Variants in SPAG16 observed in about 807,000 individuals in gnomAD.
SPAG16 encodes sperm associated antigen 16, also known as sperm-associated antigen 16 protein.
In SPAG16, 86 loss-of-function variants were observed where a neutral mutation model predicts 80.4. That is an observed-to-expected ratio of 1.07 (90% CI 0.90 to 1.28). The LOEUF is 1.28. SPAG16 is among the 50% of genes most tolerant of loss of function. The pLI, the probability that SPAG16 is intolerant of heterozygous loss-of-function variation, is 0.00. For synonymous variants in SPAG16, 294 were observed against 265.9 expected (o/e 1.11, Z -1.03); for missense variants, 870 against 765.3 (o/e 1.14, Z -1.61).
At chr2:213,587,370 C>T (rs2060509962) in intron 10 of SPAG16, among the ~76,000 whole-genome samples, 1 of 152,140 alleles carries the variant, frequency 6.6e-6, no homozygotes, top group African/African-American at 2.4e-5. Flanking sequence ...GGGTCAGCCC[C>T]ATACCTGGGT....
At chr2:213,776,892 TA>T (rs2069623795) in intron 10 of SPAG16, among the ~76,000 whole-genome samples, 1 of 142,542 alleles carries the variant, frequency 7.0e-6, no homozygotes, top group Non-Finnish European at 1.5e-5. Context: ...TTAATAAGAT[TA>T]ACATAATTTT....
intron 13 of SPAG16, among the ~76,000 whole-genome samples, chr2:214,032,287 C>A (rs2048453667): frequency 6.6e-6 from 1 of 152,158 alleles, no homozygotes; most frequent in South Asian, 2.1e-4. Flanking sequence ...TTGTTAGCTC[C>A]ATCTACTTTG....
At chr2:213,948,435 C>T (rs759519502) in intron 12 of SPAG16, among the ~76,000 whole-genome samples, 96 of 152,140 alleles carry the variant, frequency 6.3e-4, no homozygotes, top group Admixed American at 1.5e-3. Flanking sequence ...ATTTGGAATA[C>T]GAAATTCTTT....
chr2:213,816,529 G>A (rs560357359), intron 10 of SPAG16, among the ~76,000 whole-genome samples: 1 of 151,990 alleles, frequency 6.6e-6, no homozygotes, highest in East Asian at 1.9e-4. Flanking sequence ...TATGTCATTT[G>A]TAATAAAGTG....
rs1388353349 is a variant in SPAG16 at position 213,530,764 on chromosome 2, A to G, written c.1070+40674A>G. ...CCCTCTATTTTCTCTGTTCTCTACA[A>G]TTCCTGTTAGTTGGATTTAAGGTCA... On this transcript the variant is annotated intron_variant, in intron 10 of 15. Coordinates refer to ENST00000331683, the MANE Select transcript of SPAG16 (RefSeq NM_024532.5). Among the ~76,000 whole-genome samples the G allele has an allele frequency of 4.6e-5, 7 of 152,026 alleles. No individual in the cohort carries two copies. The South Asian group carries it at 6.2e-4, about 14-fold the overall frequency.
intron 15 of SPAG16, among the ~76,000 whole-genome samples, chr2:214,287,609 T>C (rs559499028): frequency 1.3e-5 from 2 of 152,346 alleles, no homozygotes; most frequent in African/African-American, 4.8e-5. Flanking sequence ...AGTTTCAATA[T>C]CTTAAAATAC....
At chr2:213,541,721 A>G (rs1163877406) in intron 10 of SPAG16, among the ~76,000 whole-genome samples, 1 of 152,238 alleles carries the variant, frequency 6.6e-6, no homozygotes, top group Admixed American at 6.5e-5. Context: ...CAAGAATTTC[A>G]GACCTCTATC....
chr2:214,404,706 C>A (rs1398827385), intron 15 of SPAG16, among the ~76,000 whole-genome samples: 4 of 151,506 alleles, frequency 2.6e-5, no homozygotes, highest in Non-Finnish European at 1.5e-5. Context: ...ATGGCTAGGA[C>A]TTGGATTGAA....
At chr2:213,334,242 T>C (rs1380959083) in intron 5 of SPAG16, among the ~76,000 whole-genome samples, 2 of 152,130 alleles carry the variant, frequency 1.3e-5, no homozygotes, top group African/African-American at 4.8e-5. Context: ...CAAATATCAG[T>C]CAAAACTATG....
chr2:213,937,303 A>T (rs937671159), intron 12 of SPAG16, among the ~76,000 whole-genome samples: 1 of 152,086 alleles, frequency 6.6e-6, no homozygotes. Context: ...GGCATGGATT[A>T]TTGGTACATT....
At chr2:213,728,199 C>T (rs1017021278) in intron 10 of SPAG16, among the ~76,000 whole-genome samples, 2 of 152,110 alleles carry the variant, frequency 1.3e-5, no homozygotes, top group Non-Finnish European at 2.9e-5. Context: ...CATTTTTTCT[C>T]TTATTTATAT....
intron 15 of SPAG16, among the ~76,000 whole-genome samples, chr2:214,247,674 G>T (rs1689944288): frequency 6.6e-6 from 1 of 152,090 alleles, no homozygotes; most frequent in Non-Finnish European, 1.5e-5. Flanking sequence ...ATTGGACTAG[G>T]TATATGGGAG....
intron 3 of SPAG16, among the ~76,000 whole-genome samples, chr2:213,306,584 C>G (rs114250358): frequency 0.01 from 1,530 of 151,446 alleles, 12 homozygotes; most frequent in Non-Finnish European, 0.017. Flanking sequence ...ACCCCAGAAC[C>G]CTTTAGCCCG....
chr2:213,771,800 T>C (rs1247286074), intron 10 of SPAG16, among the ~76,000 whole-genome samples: 1 of 152,164 alleles, frequency 6.6e-6, no homozygotes, highest in East Asian at 1.9e-4. Context: ...TTCTGTTCCT[T>C]TGAATTATGT....
chr2:213,915,640 G>A (rs552880860), intron 11 of SPAG16, among the ~76,000 whole-genome samples: 13 of 152,204 alleles, frequency 8.5e-5, no homozygotes, highest in African/African-American at 2.9e-4. Flanking sequence ...TTGGGTATAT[G>A]CCCAGTAACG....
At chr2:214,024,748 C>A (rs1053295384) in intron 13 of SPAG16, among the ~76,000 whole-genome samples, 3 of 151,486 alleles carry the variant, frequency 2.0e-5, no homozygotes, top group East Asian at 1.9e-4. Flanking sequence ...ATGCATCTAC[C>A]TTTTCAGGTG....
At chr2:214,118,170 A>G (rs956096544) in intron 14 of SPAG16, among the ~76,000 whole-genome samples, 6 of 152,324 alleles carry the variant, frequency 3.9e-5, no homozygotes, top group Admixed American at 3.9e-4. Flanking sequence ...CAAAATCAAT[A>G]AAAAATAGTA....
chr2:214,060,660 C>G (rs1197036039), intron 13 of SPAG16, among the ~76,000 whole-genome samples: 2 of 152,082 alleles, frequency 1.3e-5, no homozygotes, highest in Admixed American at 6.6e-5. Flanking sequence ...GAATATTTAG[C>G]ACTGTAAAGA....
At chr2:214,196,702 T>A (rs940600294) in intron 15 of SPAG16, among the ~76,000 whole-genome samples, 1 of 152,052 alleles carries the variant, frequency 6.6e-6, no homozygotes, top group African/African-American at 2.4e-5. Flanking sequence ...AAAACATGCA[T>A]CATATACAAA....
Sources: gnomAD v4.1 joint callset for allele counts (sites outside exome capture counted in the v4.1 genomes callset) on GRCh38, gnomAD v4.1.1 for gene constraint, MANE v1.5 for transcripts, NCBI Gene and HGNC (gene_info 2026-07-23, HGNC 2026-07-21) for gene names.